Variants in ATP13A5 observed in about 807,000 individuals in gnomAD.
The protein encoded by ATP13A5 is probable cation-transporting ATPase 13A5.
Under a neutral mutation model 150.2 loss-of-function variants are expected in ATP13A5, and 149 were observed. The ratio of observed to expected loss-of-function variants is 0.99; its 90% CI spans 0.87 to 1.14. ATP13A5 has a LOEUF of 1.14. Ranked by LOEUF, ATP13A5 falls within the 50% of genes most tolerant of loss-of-function variation. ATP13A5 has a pLI of 0.00. For missense variants in ATP13A5, 1,383 were observed against 1,449.3 expected (o/e 0.95, Z 0.74); for synonymous variants, 497 against 522.2 (o/e 0.95, Z 0.66).
At chr3:193,277,304 A>G (rs1281881698) in intron 28 of ATP13A5, among the ~76,000 whole-genome samples, 2 of 152,188 alleles carry the variant, frequency 1.3e-5, no homozygotes, top group African/African-American at 2.4e-5. Flanking sequence ...TTCTGGCCCT[A>G]TGTCTGATGG....
intron 5 of ATP13A5, among the ~76,000 whole-genome samples, chr3:193,362,166 G>T (rs1012370559): frequency 6.6e-6 from 1 of 152,172 alleles, no homozygotes; most frequent in Non-Finnish European, 1.5e-5. Flanking sequence ...TGAGATAAAA[G>T]ATCAAATTTT....
intron 9 of ATP13A5, among the ~76,000 whole-genome samples, chr3:193,343,124 T>C (rs951713200): frequency 1.3e-5 from 2 of 152,164 alleles, no homozygotes; most frequent in African/African-American, 4.8e-5. Flanking sequence ...ATTTAGGTCA[T>C]GTTAAAACAT....
intron 13 of ATP13A5, among the ~76,000 whole-genome samples, chr3:193,325,853 C>T (rs1719448831): frequency 6.6e-6 from 1 of 152,168 alleles, no homozygotes; most frequent in Non-Finnish European, 1.5e-5. Flanking sequence ...TCTCCGAAAA[C>T]CTTCAGAGTA....
At chr3:193,376,063 G>A (rs1238391908) in intron 1 of ATP13A5, among the ~76,000 whole-genome samples, 8 of 152,102 alleles carry the variant, frequency 5.3e-5, no homozygotes, top group African/African-American at 7.2e-5. Context: ...ATCAGAGAGC[G>A]ACAGCCCCCA....
chr3:193,339,835 T>C (rs1015569167), intron 9 of ATP13A5, among the ~76,000 whole-genome samples: 3 of 152,144 alleles, frequency 2.0e-5, no homozygotes, highest in African/African-American at 7.2e-5. Flanking sequence ...CCACAATATA[T>C]ACTTAGGCTA....
At chr3:193,321,503 C>A (rs557670506) in intron 16 of ATP13A5, among the ~76,000 whole-genome samples, 178 bp downstream of exon 16, 1 of 152,226 alleles carries the variant, frequency 6.6e-6, no homozygotes, top group Admixed American at 6.5e-5. Flanking sequence ...TGGTGGCATG[C>A]TCCTGTAATC....
At chr3:193,347,818 C>G (rs1712405854) in intron 7 of ATP13A5, among the ~76,000 whole-genome samples, 1 of 152,172 alleles carries the variant, frequency 6.6e-6, no homozygotes, top group Admixed American at 6.5e-5. Flanking sequence ...CACCTCCACT[C>G]TGCAAATCCC....
At chr3:193,371,645 G>A (rs945185782) in intron 1 of ATP13A5, among the ~76,000 whole-genome samples, 2 of 152,184 alleles carry the variant, frequency 1.3e-5, no homozygotes, top group African/African-American at 2.4e-5. Flanking sequence ...AGCTGGAAGC[G>A]ACTCTCAGTC....
chr3:193,346,929 G>C (rs1013959050), intron 7 of ATP13A5, among the ~76,000 whole-genome samples: 1 of 152,112 alleles, frequency 6.6e-6, no homozygotes, highest in African/African-American at 2.4e-5. Flanking sequence ...CTGTGTTTCT[G>C]TGGGCAAAGA....
At chr3:193,338,307 T>G (rs1711974889) in intron 9 of ATP13A5, among the ~76,000 whole-genome samples, 3 of 152,198 alleles carry the variant, frequency 2.0e-5, no homozygotes, top group Admixed American at 2.0e-4. Flanking sequence ...CCCTGTCTTG[T>G]GCCAGTTTTC....
At chr3:193,321,142 G>T (rs6777418) in intron 16 of ATP13A5, among the ~76,000 whole-genome samples, 1 of 151,904 alleles carries the variant, frequency 6.6e-6, no homozygotes, top group Non-Finnish European at 1.5e-5. Flanking sequence ...TTCACATCTC[G>T]TCTCCTTCCC....
Position 193,275,323 on chromosome 3 carries a change from A to G in ATP13A5, c.3397-21T>C, listed in dbSNP as rs201359488. 1.3e-3 allele frequency: 2,145 copies of G among 1,609,752 alleles called. 31 individuals are homozygous for G. In the South Asian group the frequency reaches 0.018, roughly 13 times the overall value. On this transcript the variant is annotated intron_variant, in intron 29 of 29. Transcript: ENST00000342358. ...GAATCCTGAAAAATCAGATGGGAAA[A>G]CAATCAATTTATTGCGCAGGTCCCC...
intron 6 of ATP13A5, among the ~76,000 whole-genome samples, chr3:193,352,244 T>C (rs1037546869): frequency 1.2e-4 from 18 of 152,238 alleles, no homozygotes; most frequent in African/African-American, 4.3e-4. Flanking sequence ...AAAAAGATTT[T>C]GTTCCTTAAT....
At position 193,359,905 on chromosome 3, in the gene ATP13A5, C is replaced by T. The variant is rs1318505536; in HGVS notation, c.536+2476G>A. 5.3e-5 allele frequency among the ~76,000 whole-genome samples: 8 copies of T among 152,150 alleles called. No homozygotes were observed. The South Asian group carries it at 1.2e-3, about 24-fold the overall frequency. On this transcript the variant is annotated intron_variant, in intron 5 of 29. Transcript: ENST00000342358. Reference sequence around the variant, plus strand: ...AGTCATTTACTCCTTTTATTTTCTGCAGCCTAAACAAAAGGGACAGAAGCA... The same window carrying T: ...AGTCATTTACTCCTTTTATTTTCTGTAGCCTAAACAAAAGGGACAGAAGCA...
intron 6 of ATP13A5, among the ~76,000 whole-genome samples, chr3:193,353,227 C>T (rs1712635218): frequency 6.6e-6 from 1 of 150,526 alleles, no homozygotes; most frequent in Admixed American, 6.6e-5. Context: ...TAGGGGCCAA[C>T]TGGAGGCAAA....
rs1718971721 is a variant in ATP13A5 at position 193,314,467 on chromosome 3, C to T, written c.2159-274G>A. On this transcript the variant is annotated intron_variant, in intron 18 of 29. Coordinates refer to ENST00000342358, the MANE Select transcript of ATP13A5 (RefSeq NM_198505.4). ...TACTTAAGCATTTATGACCAATCCT[C>T]AGAAGACAGACAACTCTTAGTGGAG... 1.1e-5 allele frequency: 4 copies of T among 379,390 alleles called. No individual in the cohort carries two copies. The South Asian group carries it at 1.5e-4, about 15-fold the overall frequency. 23.5% of individuals were successfully genotyped at this position (379,390 alleles called of 1,614,324 possible).
intron 16 of ATP13A5, among the ~76,000 whole-genome samples, chr3:193,319,747 C>T (rs1042422746): frequency 7.4e-5 from 11 of 149,598 alleles, no homozygotes; most frequent in African/African-American, 2.7e-4. Context: ...ATGAGAGAAA[C>T]AGCTGATTTT....
intron 12 of ATP13A5, among the ~76,000 whole-genome samples, chr3:193,330,075 C>G (rs1463378077): frequency 6.6e-6 from 1 of 152,174 alleles, no homozygotes; most frequent in African/African-American, 2.4e-5. Context: ...ACCCCATGGT[C>G]CTCTGTTCCC....
At position 193,289,914 on chromosome 3, in the gene ATP13A5, C is replaced by T. The variant is rs941048011; in HGVS notation, c.2994G>A (p.Gln998=). Residue 998 remains glutamine (Q), a synonymous_variant, in exon 26 of 30, where the codon CAG becomes CAA. Transcript: ENST00000342358. The part of the protein sequence containing the change: ...QISAFLYVKQ[Q]PWYCEVYQYS... Reference sequence around the variant, plus strand: ...ATTGGTAGACCTCACAATACCAAGGCTGCTGCTTCACATAGAGAAATGCAC... The same window carrying T: ...ATTGGTAGACCTCACAATACCAAGGTTGCTGCTTCACATAGAGAAATGCAC... 1.9e-6 allele frequency: 3 copies of T among 1,610,038 alleles called. No homozygotes were observed. Among genetic ancestry groups the T allele is most frequent in the African/African-American group, 2.7e-5 (2 of 74,696 alleles).
Sources: gnomAD v4.1 joint callset for allele counts (sites outside exome capture counted in the v4.1 genomes callset) on GRCh38, gnomAD v4.1.1 for gene constraint, MANE v1.5 for transcripts, NCBI Gene and HGNC (gene_info 2026-07-23, HGNC 2026-07-21) for gene names.